The following CHN2 variants were observed in gnomAD, a reference collection of about 807,000 sequenced individuals.
CHN2 encodes the protein chimerin 2.
Under a neutral mutation model 56.3 loss-of-function variants are expected in CHN2, and 35 were observed. The observed-to-expected ratio is 0.62, with a 90% CI of 0.47 to 0.82. CHN2 has a LOEUF of 0.82. Ranked by LOEUF, CHN2 falls within the 40% of genes least tolerant of loss-of-function variation. CHN2 has a pLI of 0.00. For missense variants in CHN2, 491 were observed against 580.5 expected, an observed-to-expected ratio of 0.85 and a Z score of 1.58; for synonymous variants, 210 against 212.8, an observed-to-expected ratio of 0.99 and a Z score of 0.12.
At chr7:29,173,166 T>TA (rs1796834914) in intron 2 of CHN2, among the ~76,000 whole-genome samples, 1 of 151,448 alleles carries the variant, frequency 6.6e-6, no homozygotes, top group Admixed American at 6.6e-5. Context: ...AGATAGTTTT[T>TA]AAAAAAACAT....
At chr7:29,457,793 G>A (rs1251908704) in intron 6 of CHN2, among the ~76,000 whole-genome samples, 3 of 152,182 alleles carry the variant, frequency 2.0e-5, no homozygotes, top group East Asian at 1.9e-4. Flanking sequence ...ATTTCAGTGC[G>A]TGGGAAGTCA....
intron 1 of CHN2, among the ~76,000 whole-genome samples, chr7:29,300,840 A>T (rs1451542683): frequency 6.6e-6 from 1 of 152,222 alleles, no homozygotes; most frequent in Non-Finnish European, 1.5e-5. Context: ...TAGGCATTTG[A>T]TGAAACACAG....
chr7:29,436,114 A>C (rs1163714613), intron 6 of CHN2, among the ~76,000 whole-genome samples: 1 of 152,064 alleles, frequency 6.6e-6, no homozygotes, highest in African/African-American at 2.4e-5. Context: ...AGACCATAGA[A>C]TACTAGAGAG....
intron 1 of CHN2, among the ~76,000 whole-genome samples, chr7:29,217,810 G>A (rs1785456053): frequency 1.3e-5 from 2 of 152,054 alleles, no homozygotes; most frequent in South Asian, 2.1e-4. Flanking sequence ...TCATCCCTTG[G>A]GCAGCAGGTT....
chr7:29,207,164 A>G lies in CHN2; in HGVS notation c.49+12174A>G, dbSNP rs140123809. Among the ~76,000 whole-genome samples, 31 of 152,352 alleles carry G rather than the reference A, an allele frequency of 2.0e-4. No homozygotes were observed. The East Asian group carries it at 5.2e-3, about 26-fold the overall frequency. Reference sequence around the variant, plus strand: ...AGAAAGCATAGAAATTGATATTGTAAGAAAGAGAAGGTGAATCAGTCATAA... The same window carrying G: ...AGAAAGCATAGAAATTGATATTGTAGGAAAGAGAAGGTGAATCAGTCATAA... On this transcript the variant is annotated intron_variant, in intron 1 of 12. Coordinates refer to ENST00000222792, the MANE Select transcript of CHN2 (RefSeq NM_004067.4).
intron 1 of CHN2, among the ~76,000 whole-genome samples, chr7:29,269,062 G>T (rs182221068): frequency 1.3e-5 from 2 of 152,188 alleles, no homozygotes; most frequent in East Asian, 1.9e-4. Context: ...TTTGTGTTAG[G>T]AATATTTCAA....
At chr7:29,275,752 C>T (rs944478719) in intron 1 of CHN2, among the ~76,000 whole-genome samples, 1 of 152,100 alleles carries the variant, frequency 6.6e-6, no homozygotes, top group Non-Finnish European at 1.5e-5. Flanking sequence ...CATGGCTGGG[C>T]CAGGACTGAG....
Position 29,424,838 on chromosome 7 carries a change from C to T in CHN2, c.576+24010C>T, listed in dbSNP as rs554898192. 3.9e-5 allele frequency among the ~76,000 whole-genome samples: 6 copies of T among 152,298 alleles called. No homozygotes were observed. In the South Asian group the frequency reaches 1.2e-3, roughly 32 times the overall value. ...TCAGCACAGTCTGGTCAGACAGCCA[C>T]CCTCCCTCACCTCCTTTACCCTCTG... On this transcript the variant is annotated intron_variant, in intron 6 of 12. Coordinates refer to ENST00000222792, the MANE Select transcript of CHN2 (RefSeq NM_004067.4).
At chr7:29,359,039 CA>C (rs985920840) in intron 2 of CHN2, among the ~76,000 whole-genome samples, 1 of 152,168 alleles carries the variant, frequency 6.6e-6, no homozygotes, top group Admixed American at 6.5e-5. Flanking sequence ...CTTCCTTATC[CA>C]AAAGCAACAG....
chr7:29,199,211 G>A (rs540177477), intron 1 of CHN2, among the ~76,000 whole-genome samples: 4 of 152,306 alleles, frequency 2.6e-5, no homozygotes, highest in South Asian at 2.1e-4. Flanking sequence ...AACCAGTAAC[G>A]TAGATAAGTC....
At chr7:29,266,701 GATTT>G (rs1228844011) in intron 1 of CHN2, among the ~76,000 whole-genome samples, 1 of 152,226 alleles carries the variant, frequency 6.6e-6, no homozygotes, top group East Asian at 1.9e-4. Flanking sequence ...AGTGGAGCAA[GATTT>G]TGAAACTCAG....
rs565980894 is a variant in CHN2 at position 29,402,575 on chromosome 7, G to T, written c.576+1747G>T. Among the ~76,000 whole-genome samples the T allele has an allele frequency of 5.3e-5, 8 of 152,284 alleles. No individual in the cohort carries two copies. In the South Asian group the frequency reaches 1.7e-3, roughly 32 times the overall value. On this transcript the variant is annotated intron_variant, in intron 6 of 12. Coordinates refer to ENST00000222792, the MANE Select transcript of CHN2 (RefSeq NM_004067.4). Reference sequence around the variant, plus strand: ...GCCATGACAAATCAGAAGATGAATTGTAAAATAAATCTCTGAAGCAGTGTT... The same window carrying T: ...GCCATGACAAATCAGAAGATGAATTTTAAAATAAATCTCTGAAGCAGTGTT...
chr7:29,327,447 C>A (rs917982706), intron 1 of CHN2, among the ~76,000 whole-genome samples: 2 of 152,174 alleles, frequency 1.3e-5, no homozygotes, highest in Admixed American at 6.5e-5. Flanking sequence ...GCCGAAACTT[C>A]TAGTTTTCTC....
intron 1 of CHN2, among the ~76,000 whole-genome samples, chr7:29,261,845 T>G (rs1369003405): frequency 2.6e-5 from 4 of 152,248 alleles, no homozygotes; most frequent in African/African-American, 9.6e-5. Context: ...CACAAACCTT[T>G]TAAAATTAGA....
intron 3 of CHN2, chr7:29,376,326 T>C (rs569362751): frequency 6.6e-6 from 1 of 152,148 alleles, no homozygotes; most frequent in Non-Finnish European, 1.5e-5. Context: ...TCCCTCTCAC[T>C]TTACACAGGA....
At chr7:29,380,109 A>G (rs1800375096) in intron 3 of CHN2, among the ~76,000 whole-genome samples, 1 of 152,224 alleles carries the variant, frequency 6.6e-6, no homozygotes, top group Admixed American at 6.5e-5. Context: ...TGGGCAAATT[A>G]GTTAATCACT....
intron 2 of CHN2, among the ~76,000 whole-genome samples, chr7:29,181,994 T>G (rs887142046): frequency 2.6e-5 from 4 of 152,330 alleles, no homozygotes; most frequent in African/African-American, 9.6e-5. Flanking sequence ...CAAAACATCT[T>G]AAATAACATA....
chr7:29,252,578 G>GTTGTTTTTTTTTTT (rs1788664962), intron 1 of CHN2, among the ~76,000 whole-genome samples: 3 of 19,496 alleles, frequency 1.5e-4, no homozygotes, highest in Admixed American at 8.0e-4. Context: ...TGCATTCTTT[G>GTTGTTTTTTTTTTT]TTTTTTTTTT....
At chr7:29,510,272 G>A (rs552867903) in intron 12 of CHN2, among the ~76,000 whole-genome samples, 1 of 152,210 alleles carries the variant, frequency 6.6e-6, no homozygotes, top group African/African-American at 2.4e-5. Flanking sequence ...CCAGTTCAAG[G>A]TCTGTAATGA....
Sources: gnomAD v4.1 joint callset for allele counts (sites outside exome capture counted in the v4.1 genomes callset) on GRCh38, gnomAD v4.1.1 for gene constraint, MANE v1.5 for transcripts, NCBI Gene and HGNC (gene_info 2026-07-23, HGNC 2026-07-21) for gene names.